The following HPX variants were observed in gnomAD, a reference collection of about 807,000 sequenced individuals.
HPX encodes hemopexin, also known as beta-1B-glycoprotein.
Under a neutral mutation model 53.8 loss-of-function variants are expected in HPX, and 42 were observed. That is an observed-to-expected ratio of 0.78 (90% CI 0.61 to 1.01). The LOEUF (loss-of-function observed/expected upper bound fraction) is 1.01. HPX is among the 50% of genes least tolerant of loss of function. The pLI, the probability that HPX is intolerant of heterozygous loss-of-function variation, is 0.00. For synonymous variants in HPX, 229 were observed against 221.1 expected, an observed-to-expected ratio of 1.04 and a Z score of -0.32; for missense variants, 547 against 594.3, an observed-to-expected ratio of 0.92 and a Z score of 0.83.
chr11:6,439,285 G>A (rs977697832), intron 4 of HPX, among the ~76,000 whole-genome samples: 1 of 152,176 alleles, frequency 6.6e-6, no homozygotes, highest in Non-Finnish European at 1.5e-5. Context: ...AACCTGAGAA[G>A]ATAACCAAGG....
chr11:6,438,274 T>A, intron 5 of HPX, 82 bp downstream of exon 5: 1 of 1,395,140 alleles, frequency 7.2e-7, no homozygotes, highest in Non-Finnish European at 1.0e-6. Flanking sequence ...ACCACCACCA[T>A]CACTACCACT....
intron 7 of HPX, among the ~76,000 whole-genome samples, chr11:6,434,447 A>G (rs537938345): frequency 9.9e-5 from 15 of 152,174 alleles, no homozygotes; most frequent in Non-Finnish European, 2.2e-4. Flanking sequence ...CTCCCACCTC[A>G]GCCTCCTGAA....
At chr11:6,431,494 G>C in intron 9 of HPX, 24 bp from the exon 10 acceptor site, 1 of 1,613,566 alleles carries the variant, frequency 6.2e-7, no homozygotes, top group Non-Finnish European at 8.5e-7. Context: ...ACCAAACATA[G>C]CATGGCTTCC....
intron 4 of HPX, among the ~76,000 whole-genome samples, chr11:6,438,909 T>A (rs1216580249): frequency 6.6e-6 from 1 of 152,232 alleles, no homozygotes; most frequent in Non-Finnish European, 1.5e-5. Context: ...ATGCCAGGCA[T>A]TGTGAGAGGC....
intron 5 of HPX, chr11:6,438,100 G>A (rs1849439467): frequency 1.8e-6 from 1 of 547,408 alleles, no homozygotes; most frequent in African/African-American, 1.9e-5. Flanking sequence ...AGACTAAAGA[G>A]GGTAGATTTG....
rs1189869882 is a variant in HPX at position 6,438,458 on chromosome 11, T to C, written c.388A>G (p.Lys130Glu). 8 of 1,613,986 alleles carry C rather than the reference T, an allele frequency of 5.0e-6. No homozygotes were observed. Among genetic ancestry groups the C allele is most frequent in the Non-Finnish European group, 6.8e-6 (8 of 1,179,914 alleles). ...CCAGGAAATTCATCTTGGAGCAACT[T>C]TGGGTATCCTTTCTCCTTCTTTTCA... ...PPEKKEKGYP[K>E]LLQDEFPGIP... The change falls in exon 5 of 10, where the codon AAG (lysine) becomes GAG (glutamate). Residue 130 changes from lysine to glutamate, a missense_variant. Coordinates refer to ENST00000265983, the MANE Select transcript of HPX (RefSeq NM_000613.3).
At chr11:6,436,931 A>G in intron 7 of HPX, 115 bp downstream of exon 7, 1 of 1,165,022 alleles carries the variant, frequency 8.6e-7, no homozygotes, top group Non-Finnish European at 1.3e-6. Context: ...AAGGATGGGG[A>G]CAGAGGGGAC....
chr11:6,434,660 T>C (rs1306133040), intron 7 of HPX, among the ~76,000 whole-genome samples: 1 of 152,212 alleles, frequency 6.6e-6, no homozygotes, highest in African/African-American at 2.4e-5. Flanking sequence ...ACCAGAGCTA[T>C]GCTGCTTTGT....
Position 6,437,596 on chromosome 11 carries a change from G to A in HPX, c.547C>T (p.Pro183Ser). 1.2e-6 allele frequency: 2 copies of A among 1,614,182 alleles called. No homozygotes were observed. The highest frequency in any genetic ancestry group is 1.7e-6 in the Non-Finnish European group (2 of 1,180,012). The change falls in exon 6 of 10, where the codon CCA becomes TCA. Residue 183 changes from proline (P) to serine (S), a missense_variant. Pro to Ser is a moderately conservative substitution (Grantham distance 74). Transcript: ENST00000265983. ...ATGTMKERSW[P>S]AVGNCSSALR... ...GCAGAGGAGCAGTTCCCAACAGCTG[G>A]CCAGGAACGCTCCTTCATGGTTCCC...
chr11:6,437,107 G>T lies in HPX; in HGVS notation c.774C>A (p.Ser258Arg), dbSNP rs1469807790. Residue 258 changes from serine to arginine, a missense_variant, in exon 7 of 10, where the codon AGC becomes AGA. Ser to Arg is a moderately radical substitution (Grantham distance 110, BLOSUM62 -1). Coordinates refer to ENST00000265983, the MANE Select transcript of HPX (RefSeq NM_000613.3). Reference protein sequence around the residue: ...THHGPEYMRCSPHLVLSALTS... With the variant: ...THHGPEYMRCRPHLVLSALTS... The stretch of plus-strand genomic sequence containing the variant: ...TCAGTGCAGACAAGACTAGATGTGG[G>T]CTACAGCGCATATACTCAGGGCCAT... 1.2e-6 allele frequency: 2 copies of T among 1,614,170 alleles called. No homozygotes were observed. Among genetic ancestry groups the T allele is most frequent in the Non-Finnish European group, 1.7e-6 (2 of 1,180,018 alleles).
chr11:6,436,910 A>C, intron 7 of HPX, 136 bp downstream of exon 7: 3 of 921,856 alleles, frequency 3.3e-6, no homozygotes, highest in Non-Finnish European at 5.1e-6. Flanking sequence ...GGGATGCAGA[A>C]GGGCATGCAG....
At chr11:6,437,249 A>G in intron 6 of HPX, 72 bp from the exon 7 acceptor site, 3 of 1,540,974 alleles carry the variant, frequency 1.9e-6, no homozygotes, top group Non-Finnish European at 2.6e-6. Context: ...GGTGGAAGAG[A>G]TGGCTGGGGT....
At position 6,440,489 on chromosome 11, in the gene HPX, A is replaced by G. The variant is rs1849467820; in HGVS notation, c.192T>C (p.Asn64=). ...TACCTTTAAAAAACAGCATGGTTCC[A>G]TTGTCATCCAGGGTGGTAGCATCAA... ...WSFDATTLDD[N]GTMLFFKGEF... The change falls in exon 3 of 10, where the codon AAT becomes AAC. Residue 64 remains asparagine, a synonymous_variant. Coordinates refer to ENST00000265983, the MANE Select transcript of HPX (RefSeq NM_000613.3). The G allele has an allele frequency of 1.9e-6, 3 of 1,587,764 alleles. No individual in the cohort carries two copies. The highest frequency in any genetic ancestry group is 1.4e-5 in the African/African-American group (1 of 71,978).
At chr11:6,431,500 C>A in intron 9 of HPX, 30 bp from the exon 10 acceptor site, 1 of 1,613,260 alleles carries the variant, frequency 6.2e-7, no homozygotes, top group Non-Finnish European at 8.5e-7. Flanking sequence ...CATAGCATGG[C>A]TTCCATGTCA....
intron 2 of HPX, 50 bp from the exon 3 acceptor site, chr11:6,440,588 A>G (rs1193400340): frequency 6.8e-7 from 1 of 1,468,970 alleles, no homozygotes; most frequent in Non-Finnish European, 9.3e-7. Flanking sequence ...AAAAAAAAAA[A>G]AAAAAAAAAA....
Position 6,431,751 on chromosome 11 carries a change from C to A in HPX, c.1019G>T (p.Gly340Val), listed in dbSNP as rs528838550. ...TTCCTTCTCCAGCCGCTTCGGATAA[C>A]CGCTTACTAGGGTATAGCCTCCCTT... ...LTKGGYTLVS[G>V]YPKRLEKEVG... Residue 340 changes from glycine to valine, a missense_variant, in exon 9 of 10, where the codon GGT (glycine) becomes GTT (valine). Physicochemically the swap from Gly to Val is moderately radical, Grantham distance 109. Transcript: ENST00000265983. 8.1e-5 allele frequency: 130 copies of A among 1,614,126 alleles called. No individual in the cohort carries two copies. The highest frequency in any genetic ancestry group is 1.0e-4 in the Non-Finnish European group (118 of 1,180,060).
chr11:6,431,911 C>T lies in HPX; in HGVS notation c.942G>A (p.Trp314Ter). 1 of 1,614,132 alleles carries T rather than the reference C, an allele frequency of 6.2e-7. No individual in the cohort carries two copies. The highest frequency in any genetic ancestry group is 8.5e-7 in the Non-Finnish European group (1 of 1,180,026). ...GPSAVDAAFS[W>*]EEKLYLVQGT... is the part of the protein sequence containing the mutation. The stretch of plus-strand genomic sequence containing the variant: ...CCTGGACCAGATAGAGTTTTTCTTC[C>T]CAGGAAAAGGCAGCATCCACTGCTG... Residue 314 changes from tryptophan (W) to a stop codon, truncating the protein, a stop_gained, in exon 8 of 10, where the codon TGG becomes TGA. Transcript: ENST00000265983. LOFTEE classifies it high-confidence loss of function.
Position 6,431,095 on chromosome 11 carries a change from TG to T in HPX, c.*115del. On this transcript the variant is annotated 3_prime_UTR_variant, in exon 10 of 10. Transcript: ENST00000265983. ...TCTTTATTATGAGAAACTGGGGAGG[TG>T]GGGCCAGGCCAGACTCATGTCAGAA... The T allele has an allele frequency of 7.3e-7, 1 of 1,377,496 alleles. No homozygotes were observed. The allele number at this position is 1,377,496 out of a possible 1,614,324, so 85.3% of individuals were successfully genotyped here. A position where few individuals can be genotyped will look rare whatever the true frequency, so the allele number is the denominator to read the frequency against.
Position 6,431,342 on chromosome 11 carries a change from C to G in HPX, c.1258G>C (p.Ala420Pro). Residue 420 changes from alanine (A) to proline (P), a missense_variant, in exon 10 of 10, where the codon GCC (alanine) becomes CCC (proline). By Grantham distance (27) the Ala-to-Pro change is conservative. Coordinates refer to ENST00000265983, the MANE Select transcript of HPX (RefSeq NM_000613.3). ...EKSLGPNSCS[A>P]NGPGLYLIHG... ...ATGAGGTACAAGCCGGGACCATTGG[C>G]GGAACATGAGTTAGGGCCAAGGGAC... 6.2e-7 allele frequency: 1 copy of G among 1,614,254 alleles called. No individual in the cohort carries two copies. The highest frequency in any genetic ancestry group is 8.5e-7 in the Non-Finnish European group (1 of 1,180,054).
Sources: allele counts gnomAD v4.1 joint callset (sites outside exome capture counted in the v4.1 genomes callset), GRCh38; gene constraint gnomAD v4.1.1; transcripts MANE v1.5; gene names NCBI Gene and HGNC (gene_info 2026-07-23, HGNC 2026-07-21).